PLD5: variants seen among roughly 807,000 people sequenced by gnomAD.
PLD5 encodes phospholipase D family member 5.
PLD5 carries 36 observed loss-of-function variants against 61.1 expected under a neutral mutation model. That is an observed-to-expected ratio of 0.59 (90% confidence interval 0.45 to 0.78). PLD5 has a LOEUF of 0.78. Ranked by LOEUF, PLD5 falls within the 30% of genes least tolerant of loss-of-function variation. PLD5 has a pLI of 0.00. For missense variants in PLD5, 515 were observed against 644.4 expected (o/e 0.80, Z 2.17); for synonymous variants, 243 against 242.8 (o/e 1.00, Z -0.01).
At chr1:242,281,701 T>A (rs1364658545) in intron 3 of PLD5, among the ~76,000 whole-genome samples, 2 of 152,184 alleles carry the variant, frequency 1.3e-5, no homozygotes, top group Non-Finnish European at 2.9e-5. Context: ...GTAGAATTCT[T>A]GAGAATGGGG....
intron 3 of PLD5, among the ~76,000 whole-genome samples, chr1:242,280,442 G>A (rs903191644): frequency 5.3e-5 from 8 of 152,202 alleles, no homozygotes; most frequent in South Asian, 4.1e-4. Context: ...TAATTTATAC[G>A]TGTTTTATTT....
chr1:242,517,931 T>G (rs747035146), intron 1 of PLD5, among the ~76,000 whole-genome samples: 1 of 152,126 alleles, frequency 6.6e-6, no homozygotes, highest in African/African-American at 2.4e-5. Context: ...CCTCTCAAAT[T>G]AACTCCTCAT....
chr1:242,155,563 T>C (rs1187530830), intron 5 of PLD5, among the ~76,000 whole-genome samples: 2 of 152,212 alleles, frequency 1.3e-5, no homozygotes, highest in Non-Finnish European at 2.9e-5. Flanking sequence ...TTGTTCTCAT[T>C]GGTTTCCAAG....
At chr1:242,226,423 TATTAGTA>T (rs1474045781) in intron 4 of PLD5, among the ~76,000 whole-genome samples, 1 of 152,240 alleles carries the variant, frequency 6.6e-6, no homozygotes, top group Non-Finnish European at 1.5e-5. Context: ...TCATAGGCAT[TATTAGTA>T]ACTCAAAATA....
At position 242,407,891 on chromosome 1, in the gene PLD5, TAAAGACAAAAGGGAAGC is replaced by T. The variant is rs1334633864; in HGVS notation, c.190-59666_190-59650del. 2.7e-5 allele frequency among the ~76,000 whole-genome samples: 4 copies of T among 150,332 alleles called. No individual in the cohort carries two copies. The East Asian group carries it at 7.7e-4, about 29-fold the overall frequency. On this transcript the variant is annotated intron_variant, in intron 1 of 9. Transcript: ENST00000536534. The stretch of plus-strand genomic sequence containing the variant: ...TGAGCCCAGCCAAATATACAGATTT[TAAAGACAAAAGGGAAGC>T]AAAGAATACATATTTTTGCTGCTTG...
intron 4 of PLD5, among the ~76,000 whole-genome samples, chr1:242,263,619 CTTTA>C (rs1673493836): frequency 1.3e-5 from 2 of 152,036 alleles, no homozygotes; most frequent in Non-Finnish European, 2.9e-5. Context: ...CTGTTCATTG[CTTTA>C]CTCCTATGAA....
intron 5 of PLD5, among the ~76,000 whole-genome samples, chr1:242,152,082 A>G (rs1664971449): frequency 6.6e-6 from 1 of 152,018 alleles, no homozygotes; most frequent in Non-Finnish European, 1.5e-5. Flanking sequence ...CAAAAGTTCA[A>G]GACTCATCTC....
intron 5 of PLD5, among the ~76,000 whole-genome samples, chr1:242,200,183 C>A (rs1002883716): frequency 6.6e-6 from 1 of 152,190 alleles, no homozygotes; most frequent in Non-Finnish European, 1.5e-5. Context: ...GAGCTTGCTG[C>A]GAGGCACGAG....
intron 5 of PLD5, among the ~76,000 whole-genome samples, chr1:242,148,328 C>T (rs952608942): frequency 5.7e-5 from 7 of 121,838 alleles, no homozygotes; most frequent in African/African-American, 2.0e-4. Context: ...TATTTCTGGA[C>T]TCTATTTGCT....
intron 1 of PLD5, among the ~76,000 whole-genome samples, chr1:242,367,589 C>T (rs76164598): frequency 0.04 from 6,097 of 152,290 alleles, 173 homozygotes; most frequent in Middle Eastern, 0.061. Context: ...CTCAGTCTCT[C>T]CTATGAAACC....
chr1:242,474,728 T>C (rs1376568810), intron 1 of PLD5, among the ~76,000 whole-genome samples: 3 of 152,150 alleles, frequency 2.0e-5, no homozygotes, highest in Admixed American at 6.5e-5. Context: ...TTCATTTATA[T>C]CCATAAATAC....
chr1:242,455,370 G>A (rs766300596), intron 1 of PLD5, among the ~76,000 whole-genome samples: 11 of 152,070 alleles, frequency 7.2e-5, no homozygotes, highest in Non-Finnish European at 1.3e-4. Flanking sequence ...TATCTTCTAC[G>A]CCCCAATTTT....
chr1:242,329,399 G>T (rs948077165), intron 2 of PLD5, among the ~76,000 whole-genome samples: 1 of 152,054 alleles, frequency 6.6e-6, no homozygotes, highest in African/African-American at 2.4e-5. Flanking sequence ...ATTCCTGGGG[G>T]GCTATGTTCT....
intron 5 of PLD5, among the ~76,000 whole-genome samples, chr1:242,165,963 C>A (rs1666274062): frequency 6.6e-6 from 1 of 152,230 alleles, no homozygotes; most frequent in Admixed American, 6.5e-5. Context: ...TCCTTCCTTG[C>A]ATAACCCAGG....
At chr1:242,509,673 T>C (rs1668842255) in intron 1 of PLD5, among the ~76,000 whole-genome samples, 1 of 152,148 alleles carries the variant, frequency 6.6e-6, no homozygotes, top group African/African-American at 2.4e-5. Context: ...ATTACCTCAT[T>C]TTGTAACATT....
intron 1 of PLD5, among the ~76,000 whole-genome samples, chr1:242,378,676 AC>A (rs993148822): frequency 3.0e-4 from 46 of 152,020 alleles, no homozygotes; most frequent in Admixed American, 2.6e-3. Context: ...CCCTGTCTCT[AC>A]AAAAAATACA....
chr1:242,286,227 G>A (rs1267317972), intron 3 of PLD5, among the ~76,000 whole-genome samples: 1 of 152,202 alleles, frequency 6.6e-6, no homozygotes, highest in Non-Finnish European at 1.5e-5. Context: ...AAGCCCACAT[G>A]AGAATCCTCA....
At chr1:242,275,947 C>T (rs1210354674) in intron 3 of PLD5, among the ~76,000 whole-genome samples, 2 of 152,000 alleles carry the variant, frequency 1.3e-5, no homozygotes, top group African/African-American at 2.4e-5. Context: ...GAAAAGAACT[C>T]GGACTGCAAA....
At chr1:242,272,981 C>A (rs1183780085) in intron 3 of PLD5, among the ~76,000 whole-genome samples, 4 of 151,920 alleles carry the variant, frequency 2.6e-5, no homozygotes, top group Non-Finnish European at 1.5e-5. Flanking sequence ...CATAGGTATA[C>A]ATGTGCCATG....
Sources: allele counts gnomAD v4.1 joint callset (sites outside exome capture counted in the v4.1 genomes callset), GRCh38; gene constraint gnomAD v4.1.1; transcripts MANE v1.5; gene names NCBI Gene and HGNC (gene_info 2026-07-23, HGNC 2026-07-21).